E2F6: variants seen among roughly 807,000 people sequenced by gnomAD.
The protein encoded by E2F6 is E2F transcription factor 6, also known as transcription factor E2F6.
Under a neutral mutation model 31.5 loss-of-function variants are expected in E2F6, and 19 were observed. The ratio of observed to expected loss-of-function variants is 0.60; its 90% confidence interval spans 0.42 to 0.89. E2F6 has a LOEUF of 0.89. Ranked by LOEUF, E2F6 falls within the 40% of genes least tolerant of loss-of-function variation. The probability of loss-of-function intolerance (pLI) is 0.00; values close to 1 mark genes in which losing one functional copy is unlikely to be tolerated. For missense variants in E2F6, 269 were observed against 341.6 expected, an observed-to-expected ratio of 0.79 and a Z score of 1.67; for synonymous variants, 121 against 127.7, an observed-to-expected ratio of 0.95 and a Z score of 0.36.
chr2:11,445,599 GA>G lies in E2F6; in HGVS notation c.*877del, dbSNP rs1378198378. 1 of 151,952 alleles carries G rather than the reference GA, an allele frequency of 6.6e-6. No homozygotes were observed. The highest frequency in any genetic ancestry group is 1.5e-5 in the Non-Finnish European group (1 of 67,960). The allele number at this position is 151,952 out of a possible 1,614,324, so 9.4% of individuals were successfully genotyped here. On this transcript the variant is annotated 3_prime_UTR_variant, in exon 7 of 7. Coordinates refer to ENST00000381525, the MANE Select transcript of E2F6 (RefSeq NM_198256.4). ...TTACAAAATCTACTTGCAAAAACCT[GA>G]AAGGAGTTTCCAATTATCACCATGA... is the stretch of plus-strand genomic sequence containing the variant.
intron 1 of E2F6, among the ~76,000 whole-genome samples, chr2:11,458,726 T>A (rs1239548834): frequency 6.6e-6 from 1 of 152,248 alleles, no homozygotes. Flanking sequence ...GGCACAATGA[T>A]TTCCTTATCA....
In E2F6 at chr2:11,444,664, T is replaced by C. The variant is rs1670615810; in HGVS notation, c.*1813A>G. On this transcript the variant is annotated 3_prime_UTR_variant, in exon 7 of 7. Transcript: ENST00000381525. ...ATGCCCTTAGGCCTGCTGTACTCTT[T>C]AGATGACCTCTCCTACTCTTGTGGC... 6.6e-6 allele frequency: 1 copy of C among 151,816 alleles called. No individual in the cohort carries two copies. The allele number at this position is 151,816 out of a possible 1,614,324, so 9.4% of individuals were successfully genotyped here. A position where few individuals can be genotyped will look rare whatever the true frequency, so the allele number is the denominator to read the frequency against.
chr2:11,449,572 T>C (rs982822094), intron 5 of E2F6, among the ~76,000 whole-genome samples: 6 of 152,216 alleles, frequency 3.9e-5, no homozygotes, highest in Admixed American at 2.0e-4. Context: ...ATCCTACTTT[T>C]CCATTTTAAA....
At chr2:11,464,079 ACACGAGTGTTG>A (rs1265688068) in intron 1 of E2F6, among the ~76,000 whole-genome samples, 1 of 152,058 alleles carries the variant, frequency 6.6e-6, no homozygotes, top group Non-Finnish European at 1.5e-5. Flanking sequence ...AGGGTTTCTA[ACACGAGTGTTG>A]TAGTCAAAAC....
intron 1 of E2F6, among the ~76,000 whole-genome samples, chr2:11,464,698 C>T (rs1170768199): frequency 6.6e-6 from 1 of 152,046 alleles, no homozygotes; most frequent in African/African-American, 2.4e-5. Flanking sequence ...AGTTTCTACA[C>T]TTATTATCCA....
At chr2:11,465,271 G>A (rs1672088710) in intron 1 of E2F6, among the ~76,000 whole-genome samples, 1 of 152,000 alleles carries the variant, frequency 6.6e-6, no homozygotes, top group African/African-American at 2.4e-5. Flanking sequence ...ACAGCATCTG[G>A]TCCTGAACAA....
chr2:11,449,214 G>A (rs1055206006), intron 5 of E2F6, among the ~76,000 whole-genome samples: 2 of 152,194 alleles, frequency 1.3e-5, no homozygotes, highest in Non-Finnish European at 2.9e-5. Context: ...GTGTGACTGA[G>A]GTAAATGAAA....
chr2:11,451,929 G>A (rs1173752571), intron 3 of E2F6, 123 bp from the exon 4 acceptor site: 15 of 917,148 alleles, frequency 1.6e-5, no homozygotes, highest in Non-Finnish European at 2.5e-5. Context: ...ATAGAAACTA[G>A]GGACTTTTAA....
At position 11,451,815 on chromosome 2, in the gene E2F6, GA is replaced by G. The variant is rs752169403; in HGVS notation, c.381-10del. The G allele has an allele frequency of 2.9e-5, 46 of 1,599,710 alleles. No individual in the cohort carries two copies. Among genetic ancestry groups the G allele is most frequent in the Admixed American group, 1.2e-4 (7 of 57,968 alleles). ...TGCTAAGATCAGATCCTCTTTAGAA[GA>G]AAAAAAATGTCAGCATCAATACCAA... On this transcript the variant is annotated splice_polypyrimidine_tract_variant and intron_variant, in intron 3 of 6. Transcript: ENST00000381525.
intron 6 of E2F6, among the ~76,000 whole-genome samples, chr2:11,447,018 T>C (rs1670759089): frequency 6.6e-6 from 1 of 152,148 alleles, no homozygotes; most frequent in African/African-American, 2.4e-5. Flanking sequence ...GTGGAGCTGT[T>C]GGCTGGGTAC....
chr2:11,464,944 G>A (rs910599354), intron 1 of E2F6, among the ~76,000 whole-genome samples: 2 of 151,968 alleles, frequency 1.3e-5, no homozygotes, highest in Admixed American at 6.6e-5. Context: ...GAGAGGTCGG[G>A]CTCGGTGGAT....
intron 1 of E2F6, among the ~76,000 whole-genome samples, chr2:11,465,243 C>T (rs1317111173): frequency 1.3e-5 from 2 of 151,502 alleles, no homozygotes; most frequent in Non-Finnish European, 2.9e-5. Flanking sequence ...GTTGAGGGCC[C>T]TGATAACCGC....
Position 11,465,913 on chromosome 2 carries a change from C to A in E2F6, c.-34G>T, listed in dbSNP as rs1263066624. 4.0e-6 allele frequency: 6 copies of A among 1,494,522 alleles called. No individual in the cohort carries two copies. The highest frequency in any genetic ancestry group is 2.6e-5 in the East Asian group (1 of 39,012). 92.6% of individuals were successfully genotyped at this position (1,494,522 alleles called of 1,614,324 possible). On this transcript the variant is annotated 5_prime_UTR_variant, in exon 1 of 7. Transcript: ENST00000381525. ...GCCGGGCGTCCTGCTCCCCTCGCACCCCACGAGCTCTCCCGCCCTCTCGCG... is the reference window on the plus strand; with the variant it reads ...GCCGGGCGTCCTGCTCCCCTCGCACACCACGAGCTCTCCCGCCCTCTCGCG...
intron 6 of E2F6, among the ~76,000 whole-genome samples, chr2:11,447,037 C>A (rs1431351260): frequency 6.6e-6 from 1 of 152,218 alleles, no homozygotes; most frequent in African/African-American, 2.4e-5. Context: ...ACTGTGATGG[C>A]TTCTGCCCAG....
rs1671056604 is a variant in E2F6, at chr2:11,451,363, T to G, written c.536+288A>C. 5 of 170,810 alleles carry G rather than the reference T, an allele frequency of 2.9e-5. No individual in the cohort carries two copies. In the South Asian group the frequency reaches 9.0e-4, roughly 31 times the overall value. The allele number at this position is 170,810 out of a possible 1,614,324, so 10.6% of individuals were successfully genotyped here. ...TTTTACCTAACTTTTTTTTTTTTTTTTTTTGAGACGGAGTTTCGCTCCTGT... is the reference window on the plus strand; with the variant it reads ...TTTTACCTAACTTTTTTTTTTTTTTGTTTTGAGACGGAGTTTCGCTCCTGT... On this transcript the variant is annotated intron_variant, in intron 4 of 6. Coordinates refer to ENST00000381525, the MANE Select transcript of E2F6 (RefSeq NM_198256.4).
intron 3 of E2F6, among the ~76,000 whole-genome samples, chr2:11,452,811 A>G (rs1041356821): frequency 1.3e-5 from 2 of 152,206 alleles, no homozygotes; most frequent in Non-Finnish European, 2.9e-5. Flanking sequence ...ATAAACTCCT[A>G]AAGTGTTTTT....
chr2:11,446,242 T>A lies in E2F6; in HGVS notation c.*235A>T, dbSNP rs1391586298. The A allele has an allele frequency of 1.0e-5, 5 of 491,874 alleles. No individual in the cohort carries two copies. In the Admixed American group the frequency reaches 2.0e-4, roughly 19 times the overall value. 30.5% of individuals were successfully genotyped at this position (491,874 alleles called of 1,614,324 possible). On this transcript the variant is annotated 3_prime_UTR_variant, in exon 7 of 7. Coordinates refer to ENST00000381525, the MANE Select transcript of E2F6 (RefSeq NM_198256.4). ...CTACTTCAGGAGGCAAGATGTCTAT[T>A]TCACTGACAAAAAGCAGTGAATAAT...
chr2:11,453,796 C>T lies in E2F6; in HGVS notation c.166G>A (p.Ala56Thr). 6.2e-7 allele frequency: 1 copy of T among 1,608,486 alleles called. No individual in the cohort carries two copies. The highest frequency in any genetic ancestry group is 8.5e-7 in the Non-Finnish European group (1 of 1,177,938). Residue 56 changes from alanine to threonine, a missense_variant and splice_region_variant, in exon 3 of 7, where the codon GCT becomes ACT. Physicochemically the swap from Ala to Thr is moderately conservative, Grantham distance 58 (BLOSUM62 0). Coordinates refer to ENST00000381525, the MANE Select transcript of E2F6 (RefSeq NM_198256.4). Reference sequence around the variant, plus strand: ...AAACGAGGTCTCTTCACTTTTAGAGCTTCTGGGAAACAAAATAAACATATT... The same window carrying T: ...AAACGAGGTCTCTTCACTTTTAGAGTTTCTGGGAAACAAAATAAACATATT... ...DNVQYVSMRK[A>T]LKVKRPRFDV...
intron 5 of E2F6, among the ~76,000 whole-genome samples, chr2:11,448,855 G>A (rs183867352): frequency 6.6e-6 from 1 of 152,282 alleles, no homozygotes; most frequent in Admixed American, 6.5e-5. Flanking sequence ...TGTGCATGTG[G>A]CTGTGTCCTA....
Sources: gnomAD v4.1 joint callset for allele counts (sites outside exome capture counted in the v4.1 genomes callset) on GRCh38, gnomAD v4.1.1 for gene constraint, MANE v1.5 for transcripts, NCBI Gene and HGNC (gene_info 2026-07-23, HGNC 2026-07-21) for gene names.